PLCL1: variants seen among roughly 807,000 people sequenced by gnomAD.
The protein encoded by PLCL1 is inactive phospholipase C-like protein 1.
In PLCL1, 41 loss-of-function variants were observed where a neutral mutation model predicts 84.4. The ratio of observed to expected loss-of-function variants is 0.49; its 90% CI spans 0.38 to 0.63. The LOEUF (loss-of-function observed/expected upper bound fraction) is 0.63, where lower values mean the gene tolerates loss of function less well. Ranked by LOEUF, PLCL1 falls within the 30% of genes least tolerant of loss-of-function variation. PLCL1 has a pLI of 0.00. For synonymous variants in PLCL1, 490 were observed against 488.3 expected, an observed-to-expected ratio of 1.00 and a Z score of -0.05; for missense variants, 1,206 against 1,367.8, an observed-to-expected ratio of 0.88 and a Z score of 1.87.
intron 1 of PLCL1, among the ~76,000 whole-genome samples, chr2:198,067,353 C>G (rs1335820474): frequency 1.3e-5 from 2 of 152,086 alleles, no homozygotes; most frequent in Non-Finnish European, 2.9e-5. Flanking sequence ...GTCTCGAACT[C>G]CTAACCTCAG....
chr2:197,924,954 A>C (rs1688806389), intron 1 of PLCL1, among the ~76,000 whole-genome samples: 1 of 152,198 alleles, frequency 6.6e-6, no homozygotes, highest in Admixed American at 6.5e-5. Flanking sequence ...CCATTTGTTG[A>C]ATAAATTCGG....
chr2:198,011,090 G>A (rs1439992954), intron 1 of PLCL1, among the ~76,000 whole-genome samples: 1 of 151,596 alleles, frequency 6.6e-6, no homozygotes, highest in East Asian at 1.9e-4. Flanking sequence ...GTCACTGATT[G>A]TTTCTATTCT....
chr2:197,927,047 G>A (rs2105762045), intron 1 of PLCL1, among the ~76,000 whole-genome samples: 1 of 152,300 alleles, frequency 6.6e-6, no homozygotes, highest in Non-Finnish European at 1.5e-5. Flanking sequence ...AGTTCCAAGA[G>A]TGAGTGCTCA....
In PLCL1 at chr2:197,923,646, C is replaced by G. The variant is rs919006913; in HGVS notation, c.240+118307C>G. ...CTCACTTCCTAGATGGGATGGCGGC[C>G]GGGCGCAGACGCTCCTCACTTTCCA... On this transcript the variant is annotated intron_variant, in intron 1 of 5. Coordinates refer to ENST00000428675, the MANE Select transcript of PLCL1 (RefSeq NM_006226.4). 4.0e-5 allele frequency among the ~76,000 whole-genome samples: 6 copies of G among 149,282 alleles called. No individual in the cohort carries two copies. In the South Asian group the frequency reaches 6.5e-4, roughly 16 times the overall value.
At chr2:198,082,468 A>G (rs543216329) in intron 1 of PLCL1, among the ~76,000 whole-genome samples, 2 of 152,214 alleles carry the variant, frequency 1.3e-5, no homozygotes, top group East Asian at 1.9e-4. Context: ...TTTTTGCTCC[A>G]AGGACAAGGT....
At chr2:198,143,765 G>A (rs1416814878) in intron 5 of PLCL1, among the ~76,000 whole-genome samples, 1 of 152,152 alleles carries the variant, frequency 6.6e-6, no homozygotes, top group African/African-American at 2.4e-5. Flanking sequence ...TGGAACCACA[G>A]AACAGAAAGA....
At chr2:197,974,442 T>C (rs1477482289) in intron 1 of PLCL1, among the ~76,000 whole-genome samples, 5 of 152,238 alleles carry the variant, frequency 3.3e-5, no homozygotes, top group Non-Finnish European at 5.9e-5. Flanking sequence ...TGAAATGATA[T>C]GGTAATTATT....
intron 1 of PLCL1, among the ~76,000 whole-genome samples, chr2:198,013,358 A>C (rs759014193): frequency 7.9e-5 from 12 of 152,108 alleles, no homozygotes; most frequent in Non-Finnish European, 1.6e-4. Flanking sequence ...CTGAGACTAA[A>C]TGAGACTGTT....
rs115781745 is a variant in PLCL1, at chr2:197,811,594, C to T, written c.240+6255C>T. ...AATAAAATCTATCAAGGCAAAACAA[C>T]ATAAACTATTTTAGTGTGTCTCGTT... On this transcript the variant is annotated intron_variant, in intron 1 of 5. Transcript: ENST00000428675. Among the ~76,000 whole-genome samples, 620 of 152,250 alleles carry T rather than the reference C, an allele frequency of 4.1e-3. 4 individuals are homozygous for T. The highest frequency in any genetic ancestry group is 0.014 in the African/African-American group (577 of 41,560).
intron 1 of PLCL1, among the ~76,000 whole-genome samples, chr2:197,898,530 C>G (rs190335727): frequency 6.6e-6 from 1 of 152,068 alleles, no homozygotes; most frequent in East Asian, 1.9e-4. Context: ...TCAGTCTCTT[C>G]TAGTCCATTT....
intron 1 of PLCL1, among the ~76,000 whole-genome samples, chr2:198,033,976 A>C (rs944046847): frequency 3.3e-5 from 5 of 151,998 alleles, no homozygotes; most frequent in African/African-American, 1.2e-4. Flanking sequence ...ATTTTAAAAA[A>C]TTTGATTTTT....
Position 198,085,006 on chromosome 2 carries a change from T to C in PLCL1, c.1489T>C (p.Leu497=). ...TCTTTGCTTGGGAAATCACTGCTCC[T>C]TGCCGCAGCAGAAGGTAATGGCTCA... ...LILCLGNHCS[L]PQQKVMAQQM... The change falls in exon 2 of 6, where the codon TTG becomes CTG. Residue 497 remains leucine, a synonymous_variant. Coordinates refer to ENST00000428675, the MANE Select transcript of PLCL1 (RefSeq NM_006226.4). The surrounding 1 kb of genome is among the most constrained non-coding windows in gnomAD (Gnocchi z 5.3). The C allele has an allele frequency of 1.2e-6, 2 of 1,614,072 alleles. No homozygotes were observed. The highest frequency in any genetic ancestry group is 8.5e-7 in the Non-Finnish European group (1 of 1,179,992).
intron 1 of PLCL1, among the ~76,000 whole-genome samples, chr2:197,940,041 C>T (rs1205465056): frequency 6.6e-6 from 1 of 152,106 alleles, no homozygotes; most frequent in African/African-American, 2.4e-5. Flanking sequence ...GTTTGAGTAT[C>T]ACTGCACTAA....
Position 198,101,277 on chromosome 2 carries a change from T to G in PLCL1, c.2920-8T>G, listed in dbSNP as rs1354693171. On this transcript the variant is annotated splice_region_variant and splice_polypyrimidine_tract_variant and intron_variant, in intron 3 of 5. Coordinates refer to ENST00000428675, the MANE Select transcript of PLCL1 (RefSeq NM_006226.4). ...ACAACCACCTTTTTGATGTTTATTT[T>G]GTAACAGATGATTCAAGAGAGCCGG... 8.3e-6 allele frequency: 13 copies of G among 1,567,124 alleles called. No individual in the cohort carries two copies. The highest frequency in any genetic ancestry group is 1.1e-5 in the Non-Finnish European group (12 of 1,141,194).
chr2:197,922,226 G>T, intron 1 of PLCL1, among the ~76,000 whole-genome samples: 1 of 98,256 alleles, frequency 1.0e-5, no homozygotes. Context: ...TAACGAGCAT[G>T]CTGCCTTCAA....
intron 1 of PLCL1, among the ~76,000 whole-genome samples, chr2:198,058,307 T>G (rs1692113941): frequency 6.6e-6 from 1 of 152,126 alleles, no homozygotes; most frequent in Non-Finnish European, 1.5e-5. Flanking sequence ...ATTTTAATTT[T>G]TAATAAAACA....
At chr2:197,892,532 C>T (rs1314879852) in intron 1 of PLCL1, among the ~76,000 whole-genome samples, 1 of 152,132 alleles carries the variant, frequency 6.6e-6, no homozygotes, top group African/African-American at 2.4e-5. Context: ...TAGCTTCAAG[C>T]AACAGAAGGC....
At chr2:198,044,295 C>G (rs985462758) in intron 1 of PLCL1, among the ~76,000 whole-genome samples, 2 of 152,164 alleles carry the variant, frequency 1.3e-5, no homozygotes, top group African/African-American at 4.8e-5. Context: ...ACCTGCCATC[C>G]ATTCACAGTG....
rs139313610 is a variant in PLCL1 at position 198,107,299 on chromosome 2, A to G, written c.3105+3363A>G. On this transcript the variant is annotated intron_variant, in intron 5 of 5. Transcript: ENST00000428675. Reference sequence around the variant, plus strand: ...GATTACCTCCCACCAGGTCCCTCCTACAACACGTGGGGATTGTGGGAACAA... The same window carrying G: ...GATTACCTCCCACCAGGTCCCTCCTGCAACACGTGGGGATTGTGGGAACAA... Among the ~76,000 whole-genome samples the G allele has an allele frequency of 4.0e-3, 614 of 151,972 alleles. 2 individuals are homozygous for G. Among genetic ancestry groups the G allele is most frequent in the South Asian group, 0.011 (54 of 4,826 alleles).
Sources: gnomAD v4.1 joint callset for allele counts (sites outside exome capture counted in the v4.1 genomes callset) on GRCh38, gnomAD v4.1.1 for gene constraint, Gnocchi (gnomAD v3.1) non-coding constraint, MANE v1.5 for transcripts, NCBI Gene and HGNC (gene_info 2026-07-23, HGNC 2026-07-21) for gene names.